Variants in AGBL4 observed in about 807,000 individuals in gnomAD.
AGBL4 encodes the protein cytosolic carboxypeptidase 6.
Under a neutral mutation model 66.4 loss-of-function variants are expected in AGBL4, and 58 were observed. The observed-to-expected ratio is 0.87, with a 90% CI of 0.71 to 1.09. The LOEUF is 1.09. Ranked by LOEUF, AGBL4 falls within the 50% of genes least tolerant of loss-of-function variation. AGBL4 has a pLI of 0.00. For synonymous variants in AGBL4, 234 were observed against 222.9 expected, an observed-to-expected ratio of 1.05 and a Z score of -0.44; for missense variants, 579 against 631.0, an observed-to-expected ratio of 0.92 and a Z score of 0.88.
intron 1 of AGBL4, among the ~76,000 whole-genome samples, chr1:49,852,320 C>A (rs999778104): frequency 6.6e-6 from 1 of 152,016 alleles, no homozygotes; most frequent in Non-Finnish European, 1.5e-5. Flanking sequence ...GGGTCCCATA[C>A]AAATGAGTAA....
chr1:49,122,849 G>A (rs1444469314), intron 4 of AGBL4, among the ~76,000 whole-genome samples: 1 of 152,006 alleles, frequency 6.6e-6, no homozygotes, highest in Non-Finnish European at 1.5e-5. Flanking sequence ...CTACTATATT[G>A]TTTGTTTGTT....
rs182398901 is a variant in AGBL4 at position 48,951,692 on chromosome 1, C to T, written c.595-84462G>A. On this transcript the variant is annotated intron_variant, in intron 5 of 13. Coordinates refer to ENST00000371839, the MANE Select transcript of AGBL4 (RefSeq NM_032785.4). ...ACCCATCATGCTGGCATCCTGATCT[C>T]AGACTTCCAGACTCCCGAACTGTGA... 3.3e-5 allele frequency among the ~76,000 whole-genome samples: 5 copies of T among 152,326 alleles called. No homozygotes were observed. In the East Asian group the frequency reaches 9.7e-4, roughly 29 times the overall value.
intron 2 of AGBL4, among the ~76,000 whole-genome samples, chr1:49,730,725 A>G (rs1249851015): frequency 5.9e-5 from 9 of 152,184 alleles, no homozygotes; most frequent in African/African-American, 9.6e-5. Context: ...GGCTGGTAGC[A>G]TAAGCCAACT....
intron 6 of AGBL4, among the ~76,000 whole-genome samples, chr1:48,837,711 CTATATATATATATA>C (rs58650623): frequency 3.6e-5 from 3 of 82,298 alleles, no homozygotes; most frequent in Non-Finnish European, 4.7e-5. Flanking sequence ...CACACACACA[CTATATATATATATA>C]TATATATATA....
intron 1 of AGBL4, among the ~76,000 whole-genome samples, chr1:49,874,109 C>T (rs894076067): frequency 6.6e-6 from 1 of 151,832 alleles, no homozygotes; most frequent in African/African-American, 2.4e-5. Context: ...GTAATTTAAC[C>T]TGAAAATAAT....
intron 5 of AGBL4, among the ~76,000 whole-genome samples, chr1:49,028,089 G>A (rs1663877707): frequency 6.6e-6 from 1 of 152,124 alleles, no homozygotes; most frequent in Non-Finnish European, 1.5e-5. Flanking sequence ...TATGCCAAAG[G>A]GTAATGTCAA....
intron 5 of AGBL4, among the ~76,000 whole-genome samples, chr1:49,017,018 G>GC (rs1662873522): frequency 6.6e-6 from 1 of 152,144 alleles, no homozygotes; most frequent in South Asian, 2.1e-4. Flanking sequence ...ATATTACACT[G>GC]CCCCTTTAAT....
At chr1:48,647,996 T>C (rs933161948) in intron 8 of AGBL4, among the ~76,000 whole-genome samples, 16 of 152,222 alleles carry the variant, frequency 1.1e-4, no homozygotes, top group African/African-American at 3.9e-4. Flanking sequence ...CAGAACTCTC[T>C]GAAAATATTC....
chr1:48,977,165 C>T (rs1659403642), intron 5 of AGBL4, among the ~76,000 whole-genome samples: 1 of 152,110 alleles, frequency 6.6e-6, no homozygotes, highest in Admixed American at 6.6e-5. Flanking sequence ...GAGTACAATT[C>T]TATAAGCCAG....
At chr1:49,700,713 G>A (rs1647074812) in intron 2 of AGBL4, among the ~76,000 whole-genome samples, 1 of 151,942 alleles carries the variant, frequency 6.6e-6, no homozygotes, top group African/African-American at 2.4e-5. Flanking sequence ...TTCAATATGT[G>A]AGAATCAAAA....
chr1:49,020,825 C>T (rs983453399), intron 5 of AGBL4, among the ~76,000 whole-genome samples: 3 of 152,120 alleles, frequency 2.0e-5, no homozygotes, highest in African/African-American at 7.2e-5. Context: ...TCCTAAAATA[C>T]AGGAAGGCCC....
chr1:49,990,914 T>C (rs1659892358), intron 1 of AGBL4, among the ~76,000 whole-genome samples: 1 of 152,202 alleles, frequency 6.6e-6, no homozygotes, highest in Non-Finnish European at 1.5e-5. Context: ...TGAAGTGTTG[T>C]AAAGATGCAC....
intron 2 of AGBL4, among the ~76,000 whole-genome samples, chr1:49,714,390 T>A (rs955362285): frequency 6.6e-6 from 1 of 151,914 alleles, no homozygotes; most frequent in Non-Finnish European, 1.5e-5. Context: ...ATATCTATTA[T>A]CCTATACATT....
chr1:48,863,977 A>T (rs891813484), intron 6 of AGBL4, among the ~76,000 whole-genome samples: 32 of 152,134 alleles, frequency 2.1e-4, no homozygotes, highest in Admixed American at 6.5e-5. Context: ...CCTCGCATAT[A>T]TCAAAACACA....
chr1:48,614,940 A>G (rs1015029284), intron 9 of AGBL4, among the ~76,000 whole-genome samples: 1 of 152,214 alleles, frequency 6.6e-6, no homozygotes, highest in Non-Finnish European at 1.5e-5. Flanking sequence ...TACAAAATGT[A>G]TAAGCCTATA....
intron 6 of AGBL4, among the ~76,000 whole-genome samples, chr1:48,779,870 C>T (rs960470069): frequency 4.6e-5 from 7 of 151,908 alleles, no homozygotes; most frequent in South Asian, 2.1e-4. Flanking sequence ...CTCGCCACCA[C>T]GCCTGGCTAA....
Position 49,138,941 on chromosome 1 carries a change from G to A in AGBL4, c.378-93141C>T, listed in dbSNP as rs183738318. Among the ~76,000 whole-genome samples, 155 of 152,186 alleles carry A rather than the reference G, an allele frequency of 1.0e-3. 1 individual carries two copies. Among genetic ancestry groups the A allele is most frequent in the African/African-American group, 3.6e-3 (150 of 41,536 alleles). On this transcript the variant is annotated intron_variant, in intron 4 of 13. Coordinates refer to ENST00000371839, the MANE Select transcript of AGBL4 (RefSeq NM_032785.4). ...CACAGTTCTGCAGGCTGTACAGAAC[G>A]AATGGCTGGGGAGGCCTCAGGAAAC...
intron 6 of AGBL4, among the ~76,000 whole-genome samples, chr1:48,684,681 G>A (rs754414984): frequency 6.6e-6 from 1 of 152,092 alleles, no homozygotes; most frequent in Non-Finnish European, 1.5e-5. Context: ...GGCCTAAAAG[G>A]CATCAGACAC....
intron 5 of AGBL4, among the ~76,000 whole-genome samples, chr1:48,930,000 T>C (rs1654905576): frequency 6.6e-6 from 1 of 152,126 alleles, no homozygotes; most frequent in Non-Finnish European, 1.5e-5. Flanking sequence ...CAAACTTAAA[T>C]ATATTGATCT....
Sources: allele counts gnomAD v4.1 joint callset (sites outside exome capture counted in the v4.1 genomes callset), GRCh38; gene constraint gnomAD v4.1.1; transcripts MANE v1.5; gene names NCBI Gene and HGNC (gene_info 2026-07-23, HGNC 2026-07-21).